Variants in KDM5B observed in about 807,000 individuals in gnomAD.
KDM5B encodes lysine demethylase 5B.
Under a neutral mutation model 193.4 loss-of-function variants are expected in KDM5B, and 144 were observed. The ratio of observed to expected loss-of-function variants is 0.74; its 90% CI spans 0.65 to 0.86. The LOEUF is 0.86. KDM5B is among the 40% of genes least tolerant of loss of function. The pLI is 0.00. For missense variants in KDM5B, 1,833 were observed against 1,886.9 expected, an observed-to-expected ratio of 0.97 and a Z score of 0.53; for synonymous variants, 668 against 682.6, an observed-to-expected ratio of 0.98 and a Z score of 0.33.
chr1:202,769,318 G>C (rs1015797583), intron 4 of KDM5B, among the ~76,000 whole-genome samples: 2 of 151,112 alleles, frequency 1.3e-5, no homozygotes, highest in Admixed American at 6.6e-5. Context: ...TTACAGGCGT[G>C]AGCCACTGCG....
chr1:202,796,318 A>G, intron 1 of KDM5B: 1 of 390,378 alleles, frequency 2.6e-6, no homozygotes, highest in Non-Finnish European at 5.1e-6. Flanking sequence ...TTAAGACCCT[A>G]CCAGCTTCAC....
intron 13 of KDM5B, 66 bp from the exon 14 acceptor site, chr1:202,749,205 C>G (rs893825374): frequency 3.7e-6 from 5 of 1,368,344 alleles, no homozygotes; most frequent in Admixed American, 4.4e-5. Context: ...CACCTCTGAC[C>G]CATTATTATC....
At chr1:202,729,433 A>G (rs1373267363) in intron 26 of KDM5B, 1 of 594,528 alleles carries the variant, frequency 1.7e-6, no homozygotes, top group African/African-American at 1.9e-5. Flanking sequence ...AGGGCATCAC[A>G]TCAGCATCCC....
Position 202,733,456 on chromosome 1 carries a change from C to G in KDM5B, c.3854G>C (p.Gly1285Ala), listed in dbSNP as rs751091204. The G allele has an allele frequency of 4.3e-6, 7 of 1,614,144 alleles. No individual in the cohort carries two copies. The highest frequency in any genetic ancestry group is 1.7e-5 in the Admixed American group (1 of 60,026). The change falls in exon 23 of 27, where the codon GGA (glycine) becomes GCA (alanine). Residue 1285 changes from glycine (G) to alanine (A), a missense_variant. Gly to Ala is a moderately conservative substitution (Grantham distance 60, BLOSUM62 0). Coordinates refer to ENST00000367265, the MANE Select transcript of KDM5B (RefSeq NM_006618.5). The part of the protein sequence containing the change: ...LKFVQDRVGS[G>A]LLYSRWQASA... ...GGCTTGCCATCTGCTATATAACAGT[C>G]CTGAGCCCACTCGATCTTGCACAAA...
At chr1:202,806,642 G>T (rs1437720671) in intron 1 of KDM5B, 1 of 152,144 alleles carries the variant, frequency 6.6e-6, no homozygotes, top group African/African-American at 2.4e-5. Context: ...GTAGGTGTCC[G>T]TGTTTTAATT....
At position 202,742,491 on chromosome 1, in the gene KDM5B, C is replaced by T; in HGVS notation, c.2489G>A (p.Gly830Glu). The T allele has an allele frequency of 6.2e-7, 1 of 1,613,904 alleles. No individual in the cohort carries two copies. Among genetic ancestry groups the T allele is most frequent in the Non-Finnish European group, 8.5e-7 (1 of 1,179,924 alleles). The change falls in exon 18 of 27, where the codon GGA becomes GAA. Residue 830 changes from glycine (G) to glutamate (E), a missense_variant. Around this residue, in one of 3 missense-constraint regions of KDM5B, gnomAD observed 1,379 missense variants for 1,349.6 expected, o/e 1.02. Coordinates refer to ENST00000367265, the MANE Select transcript of KDM5B (RefSeq NM_006618.5). Reference sequence around the variant, plus strand: ...TGTCAACTGATTTTGGGATTTCCCTCCACCAGATCGATATCTGTAAAGACA... The same window carrying T: ...TGTCAACTGATTTTGGGATTTCCCTTCACCAGATCGATATCTGTAAAGACA... ...GKRQTRYRSG[G>E]GKSQNQLTVN...
intron 1 of KDM5B, among the ~76,000 whole-genome samples, chr1:202,800,428 A>G (rs1270528226): frequency 6.6e-6 from 1 of 151,302 alleles, no homozygotes; most frequent in Non-Finnish European, 1.5e-5. Flanking sequence ...GCAACCTGGA[A>G]CTTCTGAGCT....
Position 202,735,428 on chromosome 1 carries a change from C to A in KDM5B, c.3423+1G>T. The A allele has an allele frequency of 6.2e-7, 1 of 1,611,876 alleles. No homozygotes were observed. Among genetic ancestry groups the A allele is most frequent in the Non-Finnish European group, 8.5e-7 (1 of 1,179,186 alleles). ...AAGGAGAAGAAAAAAACCCTACATA[C>A]AGCTGAAGCAGTCTCCTTGCTTTCA... On this transcript the variant is annotated splice_donor_variant, in intron 22 of 26. Transcript: ENST00000367265. LOFTEE classifies it high-confidence loss of function.
chr1:202,775,722 G>A (rs1656914543), intron 2 of KDM5B, among the ~76,000 whole-genome samples: 1 of 149,068 alleles, frequency 6.7e-6, no homozygotes, highest in African/African-American at 2.5e-5. Flanking sequence ...TGGATGTGGT[G>A]GTATACGTCT....
At chr1:202,805,533 AT>A (rs1321772020) in intron 1 of KDM5B, among the ~76,000 whole-genome samples, 1 of 152,234 alleles carries the variant, frequency 6.6e-6, no homozygotes, top group African/African-American at 2.4e-5. Flanking sequence ...AACAAGTAAA[AT>A]ACCAATAGTT....
intron 22 of KDM5B, among the ~76,000 whole-genome samples, chr1:202,734,110 T>C (rs768277108): frequency 2.0e-5 from 3 of 152,046 alleles, no homozygotes; most frequent in Non-Finnish European, 2.9e-5. Flanking sequence ...CCTTACAGGG[T>C]GAGATGACAA....
chr1:202,768,735 G>A (rs979342900), intron 4 of KDM5B, among the ~76,000 whole-genome samples: 4 of 43,706 alleles, frequency 9.2e-5, no homozygotes, highest in African/African-American at 3.0e-4. Context: ...TTTTTTTTTT[G>A]AGATGGAGTT....
Position 202,763,876 on chromosome 1 carries a change from T to G in KDM5B, c.808+173A>C, listed in dbSNP as rs372088607. ...CAGTTAATTATGAGAACAAGGACAC[T>G]GTTGATATATTAAGATTTTCTCAAA... On this transcript the variant is annotated intron_variant, in intron 6 of 26. Coordinates refer to ENST00000367265, the MANE Select transcript of KDM5B (RefSeq NM_006618.5). Among the ~76,000 whole-genome samples the G allele has an allele frequency of 2.0e-5, 3 of 152,362 alleles. No homozygotes were observed. In the East Asian group the frequency reaches 5.8e-4, roughly 29 times the overall value.
At chr1:202,741,830 A>G in intron 18 of KDM5B, 108 bp from the exon 19 acceptor site, 1 of 655,400 alleles carries the variant, frequency 1.5e-6, no homozygotes, top group African/African-American at 1.8e-5. Context: ...ATTTAATTTT[A>G]GTAATAATAT....
intron 1 of KDM5B, among the ~76,000 whole-genome samples, chr1:202,782,257 G>T (rs1475235957): frequency 6.6e-6 from 1 of 152,154 alleles, no homozygotes; most frequent in African/African-American, 2.4e-5. Flanking sequence ...ACTGTCAGCT[G>T]CAAAACTAGA....
intron 4 of KDM5B, among the ~76,000 whole-genome samples, chr1:202,770,041 A>G (rs918854733): frequency 3.3e-5 from 5 of 152,192 alleles, no homozygotes; most frequent in Admixed American, 6.5e-5. Flanking sequence ...TCCATCATCT[A>G]TGGTCAGCTT....
intron 20 of KDM5B, 47 bp from the exon 21 acceptor site, chr1:202,736,439 C>G (rs1655099269): frequency 3.5e-6 from 5 of 1,413,890 alleles, no homozygotes; most frequent in Non-Finnish European, 3.8e-6. Flanking sequence ...AAGAACACTT[C>G]TATGAAAAAC....
chr1:202,786,102 T>A (rs1657399846), intron 1 of KDM5B, among the ~76,000 whole-genome samples: 2 of 148,498 alleles, frequency 1.3e-5, no homozygotes, highest in South Asian at 4.2e-4. Flanking sequence ...TGGGCTCAAG[T>A]GATCCTCCCA....
chr1:202,772,774 G>A (rs1227751578), intron 4 of KDM5B, among the ~76,000 whole-genome samples: 4 of 151,480 alleles, frequency 2.6e-5, no homozygotes, highest in Non-Finnish European at 4.4e-5. Context: ...TCGGCTCACT[G>A]CAACCTCCAC....
Sources: gnomAD v4.1 joint callset for allele counts (sites outside exome capture counted in the v4.1 genomes callset) on GRCh38, gnomAD v4.1.1 for gene constraint, gnomAD v4.1.1 regional missense constraint, MANE v1.5 for transcripts, NCBI Gene and HGNC (gene_info 2026-07-23, HGNC 2026-07-21) for gene names.